AMMECR1: variants seen among roughly 807,000 people sequenced by gnomAD.
AMMECR1 encodes AMMECR nuclear protein 1.
A neutral mutation model predicts 22.5 loss-of-function variants in AMMECR1; 3 were observed. That is an observed-to-expected ratio of 0.13 (90% CI 0.06 to 0.35). The LOEUF is 0.35. AMMECR1 is among the 10% of genes least tolerant of loss of function. AMMECR1 has a pLI of 1.00. For synonymous variants in AMMECR1, 130 were observed against 116.7 expected, an observed-to-expected ratio of 1.11 and a Z score of -0.74; for missense variants, 235 against 278.7, an observed-to-expected ratio of 0.84 and a Z score of 1.12.
intron 2 of AMMECR1, among the ~76,000 whole-genome samples, chrX:110,422,063 G>T (rs1043191363): frequency 4.4e-5 from 5 of 113,133 alleles, no homozygotes; most frequent in African/African-American, 1.6e-4. Context: ...TTCCCTTTCT[G>T]GAAAATGGGG....
At chrX:110,230,910 T>G (rs1158918024) in intron 2 of AMMECR1, among the ~76,000 whole-genome samples, 1 of 111,923 alleles carries the variant, frequency 8.9e-6, no homozygotes, top group African/African-American at 3.3e-5. Context: ...GCCGATTCAA[T>G]CAAGTGGAAG....
chrX:110,428,833 G>A (rs908537229), intron 1 of AMMECR1, among the ~76,000 whole-genome samples: 4 of 112,176 alleles, frequency 3.6e-5, no homozygotes, highest in Non-Finnish European at 7.5e-5. Context: ...GGAACCCCGT[G>A]TTAAAATATA....
intron 2 of AMMECR1, chrX:110,346,846 C>T (rs774097607): frequency 4.0e-5 from 26 of 654,879 alleles, no homozygotes; most frequent in Admixed American, 1.6e-4. Context: ...CTGTTGAGCC[C>T]GGCCTCCAGC....
At chrX:110,388,220 C>CT (rs2068471447) in intron 2 of AMMECR1, among the ~76,000 whole-genome samples, 2 of 111,670 alleles carry the variant, frequency 1.8e-5, no homozygotes, top group Non-Finnish European at 3.8e-5. Flanking sequence ...AAGGGGCCCA[C>CT]ATCAAGTTTT....
intron 3 of AMMECR1, among the ~76,000 whole-genome samples, chrX:110,206,175 G>A (rs1004540872): frequency 3.6e-5 from 4 of 111,783 alleles, no homozygotes; most frequent in Non-Finnish European, 5.6e-5. Flanking sequence ...CTATCAGATA[G>A]CACGTGGTCA....
At position 110,261,734 on chromosome X, in the gene AMMECR1, T is replaced by C. The variant is rs1447471577; in HGVS notation, c.584+2755A>G. ...ACTCCTAACTAGAATTTTTGAAGGA[T>C]TACTGATCTATGATTTATAAAATTT... On this transcript the variant is annotated intron_variant, in intron 2 of 5. Coordinates refer to ENST00000262844, the MANE Select transcript of AMMECR1 (RefSeq NM_015365.3). 2.7e-5 allele frequency among the ~76,000 whole-genome samples: 3 copies of C among 111,596 alleles called. No homozygotes were observed. The Admixed American group carries it at 2.9e-4, about 11-fold the overall frequency.
chrX:110,309,690 C>A (rs1024534757), intron 1 of AMMECR1, among the ~76,000 whole-genome samples: 3 of 112,360 alleles, frequency 2.7e-5, no homozygotes, highest in Non-Finnish European at 5.6e-5. Flanking sequence ...AGCAATATGG[C>A]TGATCCCATC....
chrX:110,264,617 A>G lies in AMMECR1; in HGVS notation c.474-18T>C, dbSNP rs1378189378. ...ACAGTGGGCTGTAATGGAAGATAAA[A>G]ATAGGGTAAATAAATCAATTCAATT... On this transcript the variant is annotated intron_variant, in intron 1 of 5. Coordinates refer to ENST00000262844, the MANE Select transcript of AMMECR1 (RefSeq NM_015365.3). 7.4e-6 allele frequency: 8 copies of G among 1,075,505 alleles called. No individual in the cohort carries two copies. Among genetic ancestry groups the G allele is most frequent in the Non-Finnish European group, 1.0e-5 (8 of 775,720 alleles). 88.6% of individuals were successfully genotyped at this position (1,075,505 alleles called of 1,213,427 possible). A position where few individuals can be genotyped will look rare whatever the true frequency, so the allele number is the denominator to read the frequency against.
At chrX:110,243,698 G>C (rs1245567021) in intron 2 of AMMECR1, among the ~76,000 whole-genome samples, 5 of 112,115 alleles carry the variant, frequency 4.5e-5, no homozygotes, top group Non-Finnish European at 9.4e-5. Flanking sequence ...TTTTTGGTTA[G>C]AAAGAAGTTT....
At chrX:110,215,610 G>T (rs992014727) in intron 3 of AMMECR1, among the ~76,000 whole-genome samples, 1 of 112,020 alleles carries the variant, frequency 8.9e-6, no homozygotes, top group Non-Finnish European at 1.9e-5. Flanking sequence ...GTGTGAGAGA[G>T]AATGTTATGT....
intron 2 of AMMECR1, among the ~76,000 whole-genome samples, chrX:110,342,393 CAG>C (rs1169101515): frequency 1.8e-5 from 2 of 109,847 alleles, no homozygotes; most frequent in Non-Finnish European, 3.8e-5. Context: ...TTTTTTGAGA[CAG>C]AGTCTCACTC....
At chrX:110,420,435 C>A (rs1472429541) in intron 2 of AMMECR1, among the ~76,000 whole-genome samples, 1 of 111,914 alleles carries the variant, frequency 8.9e-6, no homozygotes, top group East Asian at 2.8e-4. Flanking sequence ...GCACTGGGCA[C>A]AAGGGTATTC....
chrX:110,410,527 G>T (rs1012110589), intron 2 of AMMECR1, among the ~76,000 whole-genome samples: 1 of 111,701 alleles, frequency 9.0e-6, no homozygotes, highest in Non-Finnish European at 1.9e-5. Context: ...GTAACTGAGG[G>T]AAAATAGGAG....
chrX:110,234,597 AACCAAAACAGCATGGTACTGGT>A (rs2148183055), intron 2 of AMMECR1, among the ~76,000 whole-genome samples: 1 of 112,385 alleles, frequency 8.9e-6, no homozygotes, highest in South Asian at 3.7e-4. Context: ...AGGCTATAGT[AACCAAAACAGCATGGTACTGGT>A]ACCAAAACAG....
At chrX:110,435,286 T>G (rs189923798) in intron 1 of AMMECR1, among the ~76,000 whole-genome samples, 1 of 111,603 alleles carries the variant, frequency 9.0e-6, no homozygotes, top group African/African-American at 3.3e-5. Context: ...TGGGAGTATC[T>G]TCTAACAAAA....
intron 2 of AMMECR1, among the ~76,000 whole-genome samples, chrX:110,361,085 C>T (rs1185046215): frequency 9.0e-6 from 1 of 110,629 alleles, no homozygotes; most frequent in Non-Finnish European, 1.9e-5. Context: ...TCCAACTTAC[C>T]ATGTTCAAAA....
upstream of AMMECR1, among the ~76,000 whole-genome samples, chrX:110,321,935 G>A (rs185817245): frequency 8.9e-6 from 1 of 112,308 alleles, no homozygotes. Context: ...ATATTTGAAT[G>A]AATACGTGAG....
intron 2 of AMMECR1, among the ~76,000 whole-genome samples, chrX:110,394,077 G>C (rs754407498): frequency 8.9e-6 from 1 of 112,077 alleles, no homozygotes; most frequent in Non-Finnish European, 1.9e-5. Context: ...GACCTGACCC[G>C]CCATTGCTAC....
intron 1 of AMMECR1, among the ~76,000 whole-genome samples, chrX:110,271,059 TAAGATTCAG>T (rs1202443071): frequency 1.8e-5 from 2 of 111,554 alleles, no homozygotes; most frequent in Non-Finnish European, 3.8e-5. Flanking sequence ...GTCGAGAAGT[TAAGATTCAG>T]ATGCATTTCT....
Sources: allele counts gnomAD v4.1 joint callset (sites outside exome capture counted in the v4.1 genomes callset), GRCh38; gene constraint gnomAD v4.1.1; transcripts MANE v1.5; gene names NCBI Gene and HGNC (gene_info 2026-07-23, HGNC 2026-07-21).